The following SLC2A13 variants were observed in gnomAD, a reference collection of about 807,000 sequenced individuals.
SLC2A13 encodes proton myo-inositol cotransporter.
Under a neutral mutation model 64.4 loss-of-function variants are expected in SLC2A13, and 32 were observed. That is an observed-to-expected ratio of 0.50 (90% CI 0.37 to 0.67). SLC2A13 has a LOEUF of 0.67. Ranked by LOEUF, SLC2A13 falls within the 30% of genes least tolerant of loss-of-function variation. SLC2A13 has a pLI of 0.00. For missense variants in SLC2A13, 743 were observed against 829.2 expected (o/e 0.90, Z 1.28); for synonymous variants, 338 against 327.1 (o/e 1.03, Z -0.36).
At chr12:40,069,172 G>A (rs896526605) in intron 1 of SLC2A13, among the ~76,000 whole-genome samples, 1 of 151,728 alleles carries the variant, frequency 6.6e-6, no homozygotes, top group Non-Finnish European at 1.5e-5. Flanking sequence ...ATGAAGGAGT[G>A]AGGAAAGAAA....
chr12:39,989,956 GT>G (rs1030191167), intron 3 of SLC2A13, among the ~76,000 whole-genome samples: 2 of 152,102 alleles, frequency 1.3e-5, no homozygotes, highest in African/African-American at 2.4e-5. Flanking sequence ...CCACACTTGG[GT>G]TTTTTGGCCA....
chr12:40,001,767 A>G (rs956464541), intron 3 of SLC2A13, among the ~76,000 whole-genome samples: 3 of 152,254 alleles, frequency 2.0e-5, no homozygotes, highest in Admixed American at 1.3e-4. Context: ...GCATAATCAC[A>G]AAGTGAATTT....
intron 7 of SLC2A13, among the ~76,000 whole-genome samples, chr12:39,807,828 C>T (rs1027948049): frequency 6.6e-6 from 1 of 152,002 alleles, no homozygotes; most frequent in African/African-American, 2.4e-5. Flanking sequence ...TTTTAATAAT[C>T]GTACCAGGAG....
chr12:40,081,327 G>A (rs557691494), intron 1 of SLC2A13, among the ~76,000 whole-genome samples: 16 of 152,262 alleles, frequency 1.1e-4, no homozygotes, highest in African/African-American at 3.1e-4. Flanking sequence ...TGTCTTTCTC[G>A]AATGTAAATG....
intron 3 of SLC2A13, among the ~76,000 whole-genome samples, chr12:39,968,760 GTATATATA>G (rs56838055): frequency 1.2e-3 from 69 of 59,820 alleles, no homozygotes; most frequent in East Asian, 2.6e-3. Flanking sequence ...TTTTTTTTTG[GTATATATA>G]TATATATATA....
intron 3 of SLC2A13, among the ~76,000 whole-genome samples, chr12:39,967,936 G>C (rs144757681): frequency 3.9e-5 from 6 of 152,282 alleles, no homozygotes; most frequent in African/African-American, 1.4e-4. Flanking sequence ...ATTTTGACCT[G>C]AAGTCATGAC....
intron 4 of SLC2A13, among the ~76,000 whole-genome samples, chr12:39,891,855 A>T (rs1944617319): frequency 2.6e-5 from 4 of 152,196 alleles, no homozygotes. Flanking sequence ...TTTACTGTGA[A>T]ATAACAATTT....
At chr12:39,960,589 A>G (rs993956218) in intron 3 of SLC2A13, among the ~76,000 whole-genome samples, 22 of 152,154 alleles carry the variant, frequency 1.4e-4, no homozygotes, top group Admixed American at 3.9e-4. Context: ...CATGTTGGCC[A>G]GGCTGGTCTC....
chr12:39,874,528 T>C (rs899402145), intron 4 of SLC2A13, among the ~76,000 whole-genome samples: 14 of 150,530 alleles, frequency 9.3e-5, no homozygotes, highest in African/African-American at 3.4e-4. Flanking sequence ...GGCAGGAGAA[T>C]TGCTTGAACC....
At chr12:40,052,621 T>C (rs1160228529) in intron 1 of SLC2A13, among the ~76,000 whole-genome samples, 1 of 152,170 alleles carries the variant, frequency 6.6e-6, no homozygotes, top group Non-Finnish European at 1.5e-5. Context: ...TGCTATTATA[T>C]TCTTCAAGAG....
At chr12:39,826,768 T>C (rs1942690361) in intron 7 of SLC2A13, among the ~76,000 whole-genome samples, 1 of 149,858 alleles carries the variant, frequency 6.7e-6, no homozygotes, top group Admixed American at 6.7e-5. Flanking sequence ...AAAATACACA[T>C]ATATACTGCA....
intron 1 of SLC2A13, among the ~76,000 whole-genome samples, chr12:40,099,563 A>G (rs1198673825): frequency 1.3e-5 from 2 of 152,196 alleles, no homozygotes; most frequent in Non-Finnish European, 2.9e-5. Flanking sequence ...GATGAATGAA[A>G]AAGCACAATG....
chr12:40,088,779 A>G (rs936949090), intron 1 of SLC2A13, among the ~76,000 whole-genome samples: 1 of 152,210 alleles, frequency 6.6e-6, no homozygotes, highest in African/African-American at 2.4e-5. Context: ...CTGAGACCCT[A>G]AGCTCCAGAA....
intron 1 of SLC2A13, among the ~76,000 whole-genome samples, chr12:40,098,727 C>T (rs1010460672): frequency 2.0e-5 from 3 of 152,166 alleles, no homozygotes; most frequent in Admixed American, 1.3e-4. Context: ...CCTAAATATC[C>T]TTATCTTAAA....
At chr12:39,826,247 T>C (rs1322965703) in intron 7 of SLC2A13, among the ~76,000 whole-genome samples, 1 of 152,000 alleles carries the variant, frequency 6.6e-6, no homozygotes, top group Non-Finnish European at 1.5e-5. Context: ...AAATAGTCTC[T>C]GCTTGTTTTT....
At position 40,037,757 on chromosome 12, in the gene SLC2A13, G is replaced by C. The variant is rs1001273144; in HGVS notation, c.717-9248C>G. Among the ~76,000 whole-genome samples, 6 of 151,986 alleles carry C rather than the reference G, an allele frequency of 3.9e-5. No individual in the cohort carries two copies. The East Asian group carries it at 5.8e-4, about 15-fold the overall frequency. On this transcript the variant is annotated intron_variant, in intron 2 of 9. Transcript: ENST00000280871. ...ATTTTCCATTTCATGTCCATTTTTG[G>C]TAAGTTGTGATTGTCAAGCAAATGA...
chr12:39,788,096 T>C (rs930814123), intron 7 of SLC2A13, among the ~76,000 whole-genome samples: 1 of 152,146 alleles, frequency 6.6e-6, no homozygotes, highest in Non-Finnish European at 1.5e-5. Flanking sequence ...AAAATTATTT[T>C]ACCTCTAGGA....
intron 6 of SLC2A13, among the ~76,000 whole-genome samples, chr12:39,851,127 C>T (rs1196485535): frequency 3.9e-5 from 6 of 151,992 alleles, no homozygotes; most frequent in Middle Eastern, 3.4e-3. Flanking sequence ...CTCGAACTCC[C>T]GACCTCAGAT....
chr12:40,049,904 T>C (rs1470253588), intron 1 of SLC2A13, among the ~76,000 whole-genome samples: 1 of 152,146 alleles, frequency 6.6e-6, no homozygotes, highest in Non-Finnish European at 1.5e-5. Context: ...TTTCCACCAA[T>C]GTTGTTTGCT....
Sources: allele counts gnomAD v4.1 joint callset (sites outside exome capture counted in the v4.1 genomes callset), GRCh38; gene constraint gnomAD v4.1.1; transcripts MANE v1.5; gene names NCBI Gene and HGNC (gene_info 2026-07-23, HGNC 2026-07-21).